Variants in ADAMTS18 observed in about 807,000 individuals in gnomAD.
The protein encoded by ADAMTS18 is A disintegrin and metalloproteinase with thrombospondin motifs 18.
In ADAMTS18, 157 loss-of-function variants were observed where a neutral mutation model predicts 165.9. That is an observed-to-expected ratio of 0.95 (90% CI 0.83 to 1.08). The LOEUF (loss-of-function observed/expected upper bound fraction) is 1.08, where lower values mean the gene tolerates loss of function less well. Among genes scored for constraint, ADAMTS18 ranks in the 50% least tolerant of loss-of-function variants. The pLI, the probability that ADAMTS18 is intolerant of heterozygous loss-of-function variation, is 0.00. For synonymous variants in ADAMTS18, 782 were observed against 578.2 expected (o/e 1.35, Z -5.06); for missense variants, 2,040 against 1,534.0 (o/e 1.33, Z -5.51).
intron 3 of ADAMTS18, among the ~76,000 whole-genome samples, chr16:77,387,073 A>C (rs1053825177): frequency 5.3e-5 from 8 of 152,212 alleles, no homozygotes; most frequent in African/African-American, 1.7e-4. Flanking sequence ...CCAGATTCAG[A>C]TGCAGAGGGA....
chr16:77,296,388 T>TG (rs1484777982), intron 18 of ADAMTS18, among the ~76,000 whole-genome samples: 1 of 152,176 alleles, frequency 6.6e-6, no homozygotes, highest in Non-Finnish European at 1.5e-5. Flanking sequence ...ATTTTGCATT[T>TG]GGGGTTTCAT....
intron 8 of ADAMTS18, among the ~76,000 whole-genome samples, chr16:77,358,010 T>C (rs985275811): frequency 6.6e-6 from 1 of 152,242 alleles, no homozygotes; most frequent in Admixed American, 6.5e-5. Context: ...ACCTGTTCGG[T>C]TGGACTTCAT....
At chr16:77,312,119 C>T (rs1237363510) in intron 16 of ADAMTS18, among the ~76,000 whole-genome samples, 1 of 152,094 alleles carries the variant, frequency 6.6e-6, no homozygotes, top group Non-Finnish European at 1.5e-5. Flanking sequence ...TTGTTGTTGT[C>T]ACTCAAGGTG....
intron 3 of ADAMTS18, among the ~76,000 whole-genome samples, chr16:77,398,664 T>C (rs2057289699): frequency 6.6e-6 from 1 of 152,126 alleles, no homozygotes; most frequent in Admixed American, 6.5e-5. Context: ...GTGCATTCAT[T>C]ACAGGAAGTT....
At position 77,367,503 on chromosome 16, in the gene ADAMTS18, C is replaced by G. The variant is rs1165807118; in HGVS notation, c.716G>C (p.Arg239Pro). 1 of 1,614,226 alleles carries G rather than the reference C, an allele frequency of 6.2e-7. No individual in the cohort carries two copies. Among genetic ancestry groups the G allele is most frequent in the Non-Finnish European group, 8.5e-7 (1 of 1,180,042 alleles). ...PSHIPHASQS[R>P]ETEYHHRRLQ... is the part of the protein sequence containing the mutation. ...CCTTCGATGGTGATACTCTGTCTCT[C>G]GACTCTGAGATGCATGGGGAATGTG... The change falls in exon 4 of 23, where the codon CGA (arginine) becomes CCA (proline). Residue 239 changes from arginine to proline, a missense_variant. Coordinates refer to ENST00000282849, the MANE Select transcript of ADAMTS18 (RefSeq NM_199355.4).
intron 12 of ADAMTS18, among the ~76,000 whole-genome samples, chr16:77,335,111 T>C (rs1436122757): frequency 1.3e-5 from 2 of 149,150 alleles, no homozygotes; most frequent in Non-Finnish European, 3.0e-5. Flanking sequence ...ATAGTATTAA[T>C]CCTACTTAAT....
At chr16:77,350,758 A>G (rs2056544069) in intron 10 of ADAMTS18, among the ~76,000 whole-genome samples, 1 of 152,118 alleles carries the variant, frequency 6.6e-6, no homozygotes, top group Middle Eastern at 3.2e-3. Flanking sequence ...CCTAGCCCCA[A>G]AATTTCTCAT....
At chr16:77,420,899 G>A (rs1442297131) in intron 3 of ADAMTS18, among the ~76,000 whole-genome samples, 2 of 152,178 alleles carry the variant, frequency 1.3e-5, no homozygotes, top group African/African-American at 4.8e-5. Flanking sequence ...AAAAGGAGAT[G>A]AGGAATTGTA....
intron 22 of ADAMTS18, among the ~76,000 whole-genome samples, 154 bp from the exon 23 acceptor site, chr16:77,284,225 A>C (rs1307265710): frequency 6.6e-6 from 1 of 151,068 alleles, no homozygotes; most frequent in Non-Finnish European, 1.5e-5. Flanking sequence ...GCCCAGGTTC[A>C]AACGATTCTC....
In ADAMTS18 at chr16:77,431,446, G is replaced by C. The variant is rs145596475; in HGVS notation, c.344C>G (p.Ser115Trp). 5 of 1,614,174 alleles carry C rather than the reference G, an allele frequency of 3.1e-6. No homozygotes were observed. The highest frequency in any genetic ancestry group is 4.2e-6 in the Non-Finnish European group (5 of 1,180,032). The part of the protein sequence containing the change: ...GQELHLELKP[S>W]AILSSHFIVQ... ...AATAAAGTGACTGCTCAAAATCGCCGAGGGCTTAAGTTCTAAGTGCAGTTC... is the reference window on the plus strand; with the variant it reads ...AATAAAGTGACTGCTCAAAATCGCCCAGGGCTTAAGTTCTAAGTGCAGTTC... Residue 115 changes from serine (S) to tryptophan (W), a missense_variant, in exon 3 of 23, where the codon TCG (serine) becomes TGG (tryptophan). By Grantham distance (177) the Ser-to-Trp change is radical (BLOSUM62 -3). Transcript: ENST00000282849.
Position 77,349,013 on chromosome 16 carries a change from A to G in ADAMTS18, c.1614+4720T>C, listed in dbSNP as rs569915195. On this transcript the variant is annotated intron_variant, in intron 10 of 22. Coordinates refer to ENST00000282849, the MANE Select transcript of ADAMTS18 (RefSeq NM_199355.4). ...ATCAACATCACTGGAGCGTAAGTGC[A>G]TGGGGGAAAGTTAATAGAAGTTAAA... Among the ~76,000 whole-genome samples the G allele has an allele frequency of 4.0e-5, 6 of 150,412 alleles. No homozygotes were observed. The South Asian group carries it at 1.1e-3, about 27-fold the overall frequency.
intron 13 of ADAMTS18, among the ~76,000 whole-genome samples, chr16:77,323,864 C>A (rs12596195): frequency 0.087 from 13,255 of 152,230 alleles, 790 homozygotes; most frequent in East Asian, 0.27. Context: ...GCATTCTGCT[C>A]TGCATCTAGC....
chr16:77,321,873 C>G (rs141786557), intron 14 of ADAMTS18, among the ~76,000 whole-genome samples: 2 of 152,036 alleles, frequency 1.3e-5, no homozygotes, highest in African/African-American at 4.8e-5. Flanking sequence ...ATATGGTGCT[C>G]GGCCAGGCGT....
At chr16:77,388,792 T>C (rs2057145038) in intron 3 of ADAMTS18, among the ~76,000 whole-genome samples, 1 of 152,196 alleles carries the variant, frequency 6.6e-6, no homozygotes, top group South Asian at 2.1e-4. Context: ...AGAAACCTTG[T>C]ATATTCTGGT....
chr16:77,403,676 G>C (rs1469764600), intron 3 of ADAMTS18, among the ~76,000 whole-genome samples: 1 of 152,170 alleles, frequency 6.6e-6, no homozygotes, highest in African/African-American at 2.4e-5. Context: ...TTTACTATCT[G>C]TTAGGGGAGA....
intron 3 of ADAMTS18, among the ~76,000 whole-genome samples, chr16:77,427,483 T>A (rs995282627): frequency 6.6e-6 from 1 of 152,184 alleles, no homozygotes; most frequent in Non-Finnish European, 1.5e-5. Flanking sequence ...AGGCTGGATA[T>A]AGTAGAAAGG....
chr16:77,366,916 A>G (rs1285073514), intron 4 of ADAMTS18, among the ~76,000 whole-genome samples: 1 of 152,216 alleles, frequency 6.6e-6, no homozygotes, highest in African/African-American at 2.4e-5. Flanking sequence ...ACTTGTGGCT[A>G]TTAGAAAATG....
intron 12 of ADAMTS18, among the ~76,000 whole-genome samples, chr16:77,329,173 A>G (rs1229423948): frequency 3.3e-5 from 5 of 151,718 alleles, no homozygotes; most frequent in African/African-American, 7.3e-5. Flanking sequence ...TGGCACAATC[A>G]TGGCTCACTG....
chr16:77,358,514 A>G (rs780709023), intron 8 of ADAMTS18, among the ~76,000 whole-genome samples: 7 of 152,220 alleles, frequency 4.6e-5, no homozygotes, highest in Non-Finnish European at 1.0e-4. Context: ...GCGAGCCGAG[A>G]TCGTGCCACT....
Sources: allele counts gnomAD v4.1 joint callset (sites outside exome capture counted in the v4.1 genomes callset), GRCh38; gene constraint gnomAD v4.1.1; transcripts MANE v1.5; gene names NCBI Gene and HGNC (gene_info 2026-07-23, HGNC 2026-07-21).